The following BMERB1 variants were observed in gnomAD, a reference collection of about 807,000 sequenced individuals.
BMERB1 encodes the protein bMERB domain-containing protein 1.
A neutral mutation model predicts 23.6 loss-of-function variants in BMERB1; 12 were observed. That is an observed-to-expected ratio of 0.51 (90% CI 0.33 to 0.82). The LOEUF (loss-of-function observed/expected upper bound fraction) is 0.82. BMERB1 is among the 40% of genes least tolerant of loss of function. The pLI, the probability that BMERB1 is intolerant of heterozygous loss-of-function variation, is 0.03. For synonymous variants in BMERB1, 122 were observed against 96.6 expected, an observed-to-expected ratio of 1.26 and a Z score of -1.54; for missense variants, 247 against 255.4, an observed-to-expected ratio of 0.97 and a Z score of 0.22.
intron 2 of BMERB1, among the ~76,000 whole-genome samples, chr16:15,530,608 C>T (rs1342171995): frequency 1.3e-5 from 2 of 151,934 alleles, no homozygotes; most frequent in East Asian, 1.9e-4. Context: ...TGACATAGTT[C>T]GGCTGTGTCC....
chr16:15,434,881 G>A, intron 1 of BMERB1, 122 bp downstream of exon 1: 1 of 799,278 alleles, frequency 1.3e-6, no homozygotes, highest in Non-Finnish European at 2.0e-6. Flanking sequence ...CCGCAGCGGG[G>A]CTGGCAGCTC....
At chr16:15,501,462 T>C (rs992859378) in intron 1 of BMERB1, among the ~76,000 whole-genome samples, 2 of 151,806 alleles carry the variant, frequency 1.3e-5, no homozygotes, top group Admixed American at 6.6e-5. Context: ...CCAGTTAATT[T>C]TTTTTGTTTG....
intron 5 of BMERB1, among the ~76,000 whole-genome samples, 163 bp from the exon 6 acceptor site, chr16:15,586,554 T>C (rs957397493): frequency 6.6e-6 from 1 of 152,140 alleles, no homozygotes; most frequent in Admixed American, 6.5e-5. Flanking sequence ...GAGGATCATA[T>C]GAAATGTGCA....
chr16:15,460,296 G>A (rs1016937262), intron 1 of BMERB1, among the ~76,000 whole-genome samples: 1 of 152,118 alleles, frequency 6.6e-6, no homozygotes, highest in Non-Finnish European at 1.5e-5. Context: ...TGGGAGTTGG[G>A]TACGTAGGTA....
intron 1 of BMERB1, among the ~76,000 whole-genome samples, chr16:15,461,001 G>A (rs1465929413): frequency 2.6e-5 from 4 of 151,858 alleles, no homozygotes; most frequent in African/African-American, 9.7e-5. Flanking sequence ...GGCACATGCC[G>A]GTAGTCCCAG....
intron 1 of BMERB1, among the ~76,000 whole-genome samples, chr16:15,505,177 G>A (rs960965947): frequency 6.6e-6 from 1 of 151,644 alleles, no homozygotes; most frequent in Non-Finnish European, 1.5e-5. Context: ...TGACCAAAAC[G>A]TCGTTTAAGA....
chr16:15,438,244 G>A (rs370213801), intron 1 of BMERB1, among the ~76,000 whole-genome samples: 1 of 151,104 alleles, frequency 6.6e-6, no homozygotes, highest in East Asian at 2.0e-4. Flanking sequence ...CTGCCACCAC[G>A]CTCAACTAAT....
intron 1 of BMERB1, chr16:15,502,344 C>T (rs1416437825): frequency 1.4e-5 from 21 of 1,551,146 alleles, no homozygotes; most frequent in East Asian, 1.2e-4. Flanking sequence ...CTCACAGAGA[C>T]GGGATGTATG....
intron 2 of BMERB1, among the ~76,000 whole-genome samples, chr16:15,537,318 G>A (rs763851039): frequency 3.3e-5 from 5 of 151,376 alleles, no homozygotes; most frequent in Admixed American, 6.6e-5. Flanking sequence ...CAAGTGAGCT[G>A]GCCAAGAGCA....
chr16:15,581,216 G>GA lies in BMERB1; in HGVS notation c.309dup (p.Glu104ArgfsTer12). 3.7e-6 allele frequency: 6 copies of GA among 1,607,578 alleles called. No individual in the cohort carries two copies. The highest frequency in any genetic ancestry group is 5.1e-6 in the Non-Finnish European group (6 of 1,176,756). On this transcript the variant is annotated frameshift_variant and splice_region_variant. Coordinates refer to ENST00000300006, the MANE Select transcript of BMERB1 (RefSeq NM_033201.3). LOFTEE classifies it high-confidence loss of function. ...TCTCCTTGTTGATGTCTTCTTTCCA[G>GA]AAAAAGAAAAAACCAAACTGCAGAA...
intron 2 of BMERB1, among the ~76,000 whole-genome samples, chr16:15,565,810 T>C (rs2030547485): frequency 6.6e-6 from 1 of 152,196 alleles, no homozygotes; most frequent in Admixed American, 6.5e-5. Context: ...CAATGAGCTA[T>C]GACTGTGCCT....
At chr16:15,475,765 A>G (rs2051270062) in intron 1 of BMERB1, among the ~76,000 whole-genome samples, 1 of 152,222 alleles carries the variant, frequency 6.6e-6, no homozygotes, top group Admixed American at 6.5e-5. Context: ...CAGGGGAATC[A>G]GACTGTTACC....
At chr16:15,472,926 C>T (rs1422427861) in intron 1 of BMERB1, among the ~76,000 whole-genome samples, 1 of 147,190 alleles carries the variant, frequency 6.8e-6, no homozygotes, top group African/African-American at 2.5e-5. Flanking sequence ...GGCATGATGA[C>T]TTGGCTCACT....
intron 2 of BMERB1, among the ~76,000 whole-genome samples, chr16:15,525,620 G>A (rs374135254): frequency 8.6e-5 from 13 of 151,614 alleles, no homozygotes; most frequent in Non-Finnish European, 1.3e-4. Flanking sequence ...CAGGAGAATC[G>A]CTTGAACTTG....
At chr16:15,481,176 A>G (rs754706172) in intron 1 of BMERB1, among the ~76,000 whole-genome samples, 2 of 152,166 alleles carry the variant, frequency 1.3e-5, no homozygotes, top group Non-Finnish European at 2.9e-5. Context: ...CCAAGTGGAA[A>G]AACAAGTCAC....
intron 1 of BMERB1, among the ~76,000 whole-genome samples, chr16:15,485,014 A>G (rs1401288486): frequency 1.3e-5 from 2 of 152,216 alleles, no homozygotes; most frequent in Non-Finnish European, 2.9e-5. Flanking sequence ...GATGCTTTCC[A>G]TATGGCAATC....
intron 2 of BMERB1, among the ~76,000 whole-genome samples, chr16:15,559,986 T>G (rs374836939): frequency 2.0e-5 from 3 of 152,140 alleles, no homozygotes; most frequent in Non-Finnish European, 4.4e-5. Context: ...TTTACAAATT[T>G]GTGTTGGGCT....
At chr16:15,513,117 A>G (rs2051693196) in intron 1 of BMERB1, among the ~76,000 whole-genome samples, 1 of 152,056 alleles carries the variant, frequency 6.6e-6, no homozygotes, top group Non-Finnish European at 1.5e-5. Flanking sequence ...CCCACTACCG[A>G]TCAAAGGCCT....
intron 2 of BMERB1, among the ~76,000 whole-genome samples, chr16:15,526,220 A>G (rs1187049728): frequency 6.6e-6 from 1 of 152,196 alleles, no homozygotes; most frequent in African/African-American, 2.4e-5. Context: ...ATCAGGAGGC[A>G]TGTTCCAGAA....
Sources: gnomAD v4.1 joint callset for allele counts (sites outside exome capture counted in the v4.1 genomes callset) on GRCh38, gnomAD v4.1.1 for gene constraint, MANE v1.5 for transcripts, NCBI Gene and HGNC (gene_info 2026-07-23, HGNC 2026-07-21) for gene names.